Variants in UGT2A1 observed in about 807,000 individuals in gnomAD.
The protein encoded by UGT2A1 is UDP-glucuronosyltransferase 2A1.
A neutral mutation model predicts 45.4 loss-of-function variants in UGT2A1; 61 were observed. The ratio of observed to expected loss-of-function variants is 1.34; its 90% confidence interval spans 1.09 to 1.66. The LOEUF is 1.66. Among genes scored for constraint, UGT2A1 ranks in the 40% most tolerant of loss-of-function variants. The pLI is 0.00. For missense variants in UGT2A1, 649 were observed against 574.3 expected (o/e 1.13, Z -1.33); for synonymous variants, 229 against 196.2 (o/e 1.17, Z -1.40).
intron 6 of UGT2A1, among the ~76,000 whole-genome samples, chr4:69,592,875 GAC>G (rs549113211): frequency 3.5e-4 from 53 of 152,096 alleles, no homozygotes; most frequent in African/African-American, 1.3e-3. Flanking sequence ...TTGTTGTAAA[GAC>G]ACAGTATAAT....
At chr4:69,599,695 A>AG (rs1719150863) in intron 3 of UGT2A1, 46 of 200,534 alleles carry the variant, frequency 2.3e-4, no homozygotes, top group African/African-American at 4.0e-4. Flanking sequence ...GAAATAAAGA[A>AG]AGAGAGAGAG....
intron 6 of UGT2A1, among the ~76,000 whole-genome samples, chr4:69,591,304 G>A (rs899644953): frequency 3.3e-5 from 5 of 152,136 alleles, no homozygotes; most frequent in African/African-American, 4.8e-5. Context: ...AATCAAATAT[G>A]TTTAAGAAAT....
At chr4:69,600,077 G>A (rs1719178803) in intron 3 of UGT2A1, among the ~76,000 whole-genome samples, 1 of 152,076 alleles carries the variant, frequency 6.6e-6, no homozygotes, top group African/African-American at 2.4e-5. Flanking sequence ...TAAACCCTTT[G>A]AAAAAAGTGG....
At chr4:69,634,384 G>A (rs1721563405) in intron 3 of UGT2A1, among the ~76,000 whole-genome samples, 1 of 152,088 alleles carries the variant, frequency 6.6e-6, no homozygotes, top group Admixed American at 6.5e-5. Flanking sequence ...GTTTTCCAGG[G>A]AAAGGGTGGG....
chr4:69,605,891 A>G lies in UGT2A1; in HGVS notation c.848-6497T>C, dbSNP rs1163534855. Among the ~76,000 whole-genome samples the G allele has an allele frequency of 2.3e-4, 31 of 137,010 alleles. 8 individuals carry two copies. The highest frequency in any genetic ancestry group is 9.1e-4 in the African/African-American group (31 of 33,888). 89.9% of individuals were successfully genotyped at this position (137,010 alleles called of 152,430 possible). A position where few individuals can be genotyped will look rare whatever the true frequency, so the allele number is the denominator to read the frequency against. On this transcript the variant is annotated intron_variant, in intron 3 of 6. Coordinates refer to ENST00000286604, the MANE Select transcript of UGT2A1 (RefSeq NM_001252275.3). ...AAATCAGGAAGACATTGAATCTCTG[A>G]ATAGACCAATAACAGGCTCTGAAAT... is the stretch of plus-strand genomic sequence containing the variant.
rs1721658092 is a variant in UGT2A1, at chr4:69,635,828, C to CGAAAAAAAAA, written c.716-7_716-6insTTTTTTTTTC. The CGAAAAAAAAA allele has an allele frequency of 4.1e-5, 2 of 49,134 alleles. 1 individual carries two copies. Among genetic ancestry groups the CGAAAAAAAAA allele is most frequent in the African/African-American group, 1.3e-4 (2 of 15,138 alleles). The allele number at this position is 49,134 out of a possible 1,614,324, so 3.0% of individuals were successfully genotyped here. ...GCAACAGAGTAAGAGTCCACCTCAC[C>CGAAAAAAAAA]AAAAAAAAAAAAAAAAAAAAAAGAG... On this transcript the variant is annotated splice_region_variant and splice_polypyrimidine_tract_variant and intron_variant, in intron 2 of 6. Transcript: ENST00000286604.
chr4:69,627,173 T>TA (rs1721107790), intron 3 of UGT2A1, among the ~76,000 whole-genome samples: 1 of 151,910 alleles, frequency 6.6e-6, no homozygotes, highest in Non-Finnish European at 1.5e-5. Context: ...AAATAATTTT[T>TA]AACAGTAAAA....
In UGT2A1 at chr4:69,603,004, T is replaced by C. The variant is rs1163840517; in HGVS notation, c.848-3610A>G. 6.2e-5 allele frequency among the ~76,000 whole-genome samples: 8 copies of C among 129,198 alleles called. 2 individuals are homozygous for C. Among genetic ancestry groups the C allele is most frequent in the Admixed American group, 4.6e-4 (6 of 12,946 alleles). 84.8% of individuals were successfully genotyped at this position (129,198 alleles called of 152,430 possible). On this transcript the variant is annotated intron_variant, in intron 3 of 6. Transcript: ENST00000286604. ...ATTGCTTGAACCCGGGAGGAGGAGG[T>C]TGCAGTGAGCCAAGATCACGCCACT...
chr4:69,589,950 G>T (rs1196961644), intron 6 of UGT2A1, among the ~76,000 whole-genome samples: 1 of 152,172 alleles, frequency 6.6e-6, no homozygotes, highest in African/African-American at 2.4e-5. Context: ...TACTGTGTGA[G>T]CTATACTGTA....
chr4:69,590,462 C>T (rs1197342677), intron 6 of UGT2A1, among the ~76,000 whole-genome samples: 2 of 152,102 alleles, frequency 1.3e-5, no homozygotes, highest in Admixed American at 6.5e-5. Flanking sequence ...TGGTTTGTGT[C>T]TGGAAGAAAA....
chr4:69,639,753 C>A, intron 2 of UGT2A1: 1 of 1,008,656 alleles, frequency 9.9e-7, no homozygotes, highest in Non-Finnish European at 1.4e-6. Flanking sequence ...GTCAATTGAT[C>A]TTTAGATTAA....
Position 69,627,536 on chromosome 4 carries a change from GAGAGAGAGAGAA to G in UGT2A1, c.847+8143_847+8154del, listed in dbSNP as rs1199615321. Among the ~76,000 whole-genome samples the G allele has an allele frequency of 7.6e-3, 984 of 129,296 alleles. 9 individuals carry two copies. Among genetic ancestry groups the G allele is most frequent in the African/African-American group, 0.02 (705 of 36,068 alleles). 84.8% of individuals were successfully genotyped at this position (129,296 alleles called of 152,430 possible). ...AAGAAAGAAAGAAGAAAGAAAGAAA[GAGAGAGAGAGAA>G]AGAGAGAGAGAGAGAGAGAAAGAAA... On this transcript the variant is annotated intron_variant, in intron 3 of 6. Transcript: ENST00000286604.
In UGT2A1 at chr4:69,589,452, C is replaced by T. The variant is rs750328978; in HGVS notation, c.1504G>A (p.Ala502Thr). The T allele has an allele frequency of 6.8e-6, 11 of 1,613,912 alleles. No homozygotes were observed. The South Asian group carries it at 1.1e-4, about 16-fold the overall frequency. The change falls in exon 7 of 7, where the codon GCT (alanine) becomes ACT (threonine). Residue 502 changes from alanine (A) to threonine (T), a missense_variant. Transcript: ENST00000286604. ...IGFLLVCVTT[A>T]IFLVIQCCLF... Reference sequence around the variant, plus strand: ...CAACATTGTATGACCAAAAATATAGCCGTTGTCACACAGACCAGCAAGAAC... The same window carrying T: ...CAACATTGTATGACCAAAAATATAGTCGTTGTCACACAGACCAGCAAGAAC...
intron 1 of UGT2A1, among the ~76,000 whole-genome samples, chr4:69,652,282 CTTTTT>C (rs10649712): frequency 1.7e-5 from 2 of 120,004 alleles, no homozygotes; most frequent in Admixed American, 9.2e-5. Flanking sequence ...ACTTTATGTC[CTTTTT>C]TTTTTTTTTT....
At chr4:69,643,858 A>T (rs945498860) in intron 2 of UGT2A1, among the ~76,000 whole-genome samples, 3 of 151,678 alleles carry the variant, frequency 2.0e-5, no homozygotes, top group Admixed American at 6.6e-5. Flanking sequence ...AATTCAAATT[A>T]CAAATTGGAA....
intron 2 of UGT2A1, chr4:69,639,562 C>A: frequency 6.2e-7 from 1 of 1,611,816 alleles, no homozygotes; most frequent in Non-Finnish European, 8.5e-7. Flanking sequence ...CCACTTAGAA[C>A]AACTTCAGTC....
intron 3 of UGT2A1, among the ~76,000 whole-genome samples, chr4:69,624,345 AC>A (rs887646706): frequency 6.6e-5 from 10 of 151,094 alleles, no homozygotes; most frequent in Non-Finnish European, 1.2e-4. Context: ...TTTATTTTTC[AC>A]CTTTTTCTTT....
At chr4:69,599,424 G>A (rs1719127615) in intron 3 of UGT2A1, 30 bp from the exon 4 acceptor site, 4 of 1,607,088 alleles carry the variant, frequency 2.5e-6, no homozygotes, top group African/African-American at 1.3e-5. Flanking sequence ...TTGGATGGAG[G>A]AAATTAGCTT....
At chr4:69,636,652 T>G (rs1721728016) in intron 2 of UGT2A1, among the ~76,000 whole-genome samples, 1 of 152,136 alleles carries the variant, frequency 6.6e-6, no homozygotes, top group Non-Finnish European at 1.5e-5. Flanking sequence ...AACCATTTAT[T>G]TTTTGTAGAT....
Sources: allele counts gnomAD v4.1 joint callset (sites outside exome capture counted in the v4.1 genomes callset), GRCh38; gene constraint gnomAD v4.1.1; transcripts MANE v1.5; gene names NCBI Gene and HGNC (gene_info 2026-07-23, HGNC 2026-07-21).